The following CEP41 variants were observed in gnomAD, a reference collection of about 807,000 sequenced individuals.
CEP41 encodes the protein centrosomal protein 41.
CEP41 carries 32 observed loss-of-function variants against 44.3 expected under a neutral mutation model. The ratio of observed to expected loss-of-function variants is 0.72; its 90% CI spans 0.54 to 0.97. The LOEUF (loss-of-function observed/expected upper bound fraction) is 0.97, where lower values mean the gene tolerates loss of function less well. CEP41 is among the 50% of genes least tolerant of loss of function. The probability of loss-of-function intolerance (pLI) is 0.00; values close to 1 mark genes in which losing one functional copy is unlikely to be tolerated. For synonymous variants in CEP41, 151 were observed against 168.5 expected (o/e 0.90, Z 0.80); for missense variants, 432 against 455.2 (o/e 0.95, Z 0.46).
chr7:130,410,961 A>G, intron 5 of CEP41, 161 bp downstream of exon 5: 1 of 728,878 alleles, frequency 1.4e-6, no homozygotes, highest in Non-Finnish European at 2.5e-6. Flanking sequence ...AAGAATTAAC[A>G]ACTAAAGTAT....
chr7:130,410,786 A>G (rs980783916), intron 5 of CEP41: 1 of 370,122 alleles, frequency 2.7e-6, no homozygotes. Flanking sequence ...ATTTCATGTA[A>G]GCAGAGCTGT....
intron 1 of CEP41, among the ~76,000 whole-genome samples, chr7:130,438,385 C>T (rs563313589): frequency 1.2e-3 from 185 of 152,074 alleles, no homozygotes; most frequent in South Asian, 3.7e-3. Flanking sequence ...ATGGTAAAAC[C>T]GCATCTTTAC....
At chr7:130,432,651 T>A (rs966539297) in intron 1 of CEP41, among the ~76,000 whole-genome samples, 1 of 150,006 alleles carries the variant, frequency 6.7e-6, no homozygotes, top group Non-Finnish European at 1.5e-5. Flanking sequence ...TGGTCCCAGC[T>A]GCTCGAGAGG....
At chr7:130,429,354 C>T (rs1584903020) in intron 1 of CEP41, among the ~76,000 whole-genome samples, 1 of 152,198 alleles carries the variant, frequency 6.6e-6, no homozygotes, top group Non-Finnish European at 1.5e-5. Flanking sequence ...CTTTGTGCTG[C>T]TGTCTGGTAG....
rs1796953258 is a variant in CEP41, at chr7:130,404,646, T to C, written c.340A>G (p.Asn114Asp). ...GGGCTCGGCGACTGCTCACCTGGAT[T>C]TCCTTTCCCATTGGTCCTGGCAGTG... ...ETTARTNGKG[N>D]PGEQSPSPEQ... The change falls in exon 6 of 11, where the codon AAT becomes GAT. Residue 114 changes from asparagine (N) to aspartate (D), a missense_variant. Coordinates refer to ENST00000223208, the MANE Select transcript of CEP41 (RefSeq NM_018718.3). 1 of 1,613,436 alleles carries C rather than the reference T, an allele frequency of 6.2e-7. No individual in the cohort carries two copies. The highest frequency in any genetic ancestry group is 1.3e-5 in the African/African-American group (1 of 75,024).
chr7:130,425,888 C>G (rs1797646709), intron 2 of CEP41, among the ~76,000 whole-genome samples: 1 of 152,074 alleles, frequency 6.6e-6, no homozygotes, highest in Non-Finnish European at 1.5e-5. Flanking sequence ...GTGAAAAAGC[C>G]AATCCAAAAG....
Position 130,399,041 on chromosome 7 carries a change from T to C in CEP41, c.974-2A>G, listed in dbSNP as rs1554416182. ...AGGAGTTAGCTTGGTTCAGTCGGCC[T>C]GAAGGGAGCAAGAAAGAAGGAACAG... On this transcript the variant is annotated splice_acceptor_variant, in intron 10 of 10. Coordinates refer to ENST00000223208, the MANE Select transcript of CEP41 (RefSeq NM_018718.3). LOFTEE classifies it high-confidence loss of function. 3 of 1,613,892 alleles carry C rather than the reference T, an allele frequency of 1.9e-6. No homozygotes were observed.
upstream of CEP41, among the ~76,000 whole-genome samples, chr7:130,441,646 C>T: frequency 6.6e-6 from 1 of 152,296 alleles, no homozygotes; most frequent in Admixed American, 6.5e-5. Flanking sequence ...TTAACAAATA[C>T]TTAATAAGCA....
chr7:130,398,109 G>A lies in CEP41; in HGVS notation c.*782C>T. On this transcript the variant is annotated 3_prime_UTR_variant, in exon 11 of 11. Transcript: ENST00000223208. ...CATAACTGATATACTGACCACAAGT[G>A]AGGGCCGCTTTGGTGGGCTTCAAGG... is the stretch of plus-strand genomic sequence containing the variant. 1 of 454,100 alleles carries A rather than the reference G, an allele frequency of 2.2e-6. No homozygotes were observed. The highest frequency in any genetic ancestry group is 1.6e-5 in the South Asian group (1 of 64,474). The allele number at this position is 454,100 out of a possible 1,614,324, so 28.1% of individuals were successfully genotyped here. A position where few individuals can be genotyped will look rare whatever the true frequency, so the allele number is the denominator to read the frequency against.
Position 130,394,102 on chromosome 7 carries a change from AG to A in CEP41, c.*4788del, listed in dbSNP as rs1554413496. On this transcript the variant is annotated 3_prime_UTR_variant, in exon 11 of 11. Transcript: ENST00000223208. ...AGGAGGGAAGGGAAGCCAATAGCGA[AG>A]GGAAAGGTACATTTTCACGGTAAGT... 1 of 454,110 alleles carries A rather than the reference AG, an allele frequency of 2.2e-6. No individual in the cohort carries two copies. The highest frequency in any genetic ancestry group is 4.4e-6 in the Non-Finnish European group (1 of 226,800). The allele number at this position is 454,110 out of a possible 1,614,324, so 28.1% of individuals were successfully genotyped here.
chr7:130,407,725 T>C (rs188582250), intron 5 of CEP41, among the ~76,000 whole-genome samples: 3 of 152,114 alleles, frequency 2.0e-5, no homozygotes, highest in Admixed American at 2.0e-4. Context: ...AACAAGCCAA[T>C]AGATTATTAC....
intron 2 of CEP41, chr7:130,426,657 G>A (rs1465071544): frequency 4.4e-6 from 2 of 455,990 alleles, no homozygotes; most frequent in Non-Finnish European, 8.8e-6. Flanking sequence ...TCAGAAGGGT[G>A]GATCACAGTT....
intron 4 of CEP41, among the ~76,000 whole-genome samples, chr7:130,411,520 A>C (rs1205570060): frequency 5.3e-5 from 8 of 152,266 alleles, no homozygotes; most frequent in Non-Finnish European, 1.2e-4. Context: ...TATTTCTTGA[A>C]AATGCAATAC....
intron 1 of CEP41, among the ~76,000 whole-genome samples, chr7:130,434,986 G>C (rs1389520318): frequency 2.6e-5 from 4 of 151,940 alleles, no homozygotes; most frequent in Admixed American, 6.6e-5. Flanking sequence ...CAAATACTTA[G>C]GTAAGAGTTA....
rs1796725707 is a variant in CEP41, at chr7:130,398,135, G to A, written c.*756C>T. Reference sequence around the variant, plus strand: ...AGGGCCGCTTTGGTGGGCTTCAAGGGGCACAGGCCGGTGTGGTGGCCAGGG... The same window carrying A: ...AGGGCCGCTTTGGTGGGCTTCAAGGAGCACAGGCCGGTGTGGTGGCCAGGG... On this transcript the variant is annotated 3_prime_UTR_variant, in exon 11 of 11. Transcript: ENST00000223208. The A allele has an allele frequency of 2.2e-6, 1 of 453,838 alleles. No individual in the cohort carries two copies. Among genetic ancestry groups the A allele is most frequent in the South Asian group, 1.6e-5 (1 of 64,462 alleles). 28.1% of individuals were successfully genotyped at this position (453,838 alleles called of 1,614,324 possible). A position where few individuals can be genotyped will look rare whatever the true frequency, so the allele number is the denominator to read the frequency against.
chr7:130,418,526 A>G (rs890373639), intron 2 of CEP41, among the ~76,000 whole-genome samples: 3 of 152,162 alleles, frequency 2.0e-5, no homozygotes, highest in Non-Finnish European at 4.4e-5. Flanking sequence ...GCTTTAGGTT[A>G]TATGTCCCTG....
chr7:130,438,878 A>T (rs190338679), intron 1 of CEP41, among the ~76,000 whole-genome samples: 91 of 151,988 alleles, frequency 6.0e-4, no homozygotes, highest in African/African-American at 2.1e-3. Context: ...TTTGGTATAT[A>T]CACACACACA....
In CEP41 at chr7:130,398,814, A is replaced by G. The variant is rs566419457; in HGVS notation, c.*77T>C. ...GTCTTTCCTCTGCAGAAGTTTCTGG[A>G]AATGACCCAACTTGGGAAATGCTCA... On this transcript the variant is annotated 3_prime_UTR_variant, in exon 11 of 11. Coordinates refer to ENST00000223208, the MANE Select transcript of CEP41 (RefSeq NM_018718.3). The G allele has an allele frequency of 1.3e-6, 2 of 1,556,078 alleles. No individual in the cohort carries two copies. Among genetic ancestry groups the G allele is most frequent in the South Asian group, 2.2e-5 (2 of 89,666 alleles).
rs1428696410 is a variant in CEP41, at chr7:130,394,713, A to C, written c.*4178T>G. ...CAGACTAGCACTGAGTGGCCACCAC[A>C]GTGGGCATCACATCCAAACTTCAAT... On this transcript the variant is annotated 3_prime_UTR_variant, in exon 11 of 11. Coordinates refer to ENST00000223208, the MANE Select transcript of CEP41 (RefSeq NM_018718.3). The C allele has an allele frequency of 6.6e-5, 30 of 454,024 alleles. No individual in the cohort carries two copies. Among genetic ancestry groups the C allele is most frequent in the Non-Finnish European group, 1.3e-4 (29 of 226,800 alleles). 28.1% of individuals were successfully genotyped at this position (454,024 alleles called of 1,614,324 possible). A position where few individuals can be genotyped will look rare whatever the true frequency, so the allele number is the denominator to read the frequency against.
Sources: allele counts gnomAD v4.1 joint callset (sites outside exome capture counted in the v4.1 genomes callset), GRCh38; gene constraint gnomAD v4.1.1; transcripts MANE v1.5; gene names NCBI Gene and HGNC (gene_info 2026-07-23, HGNC 2026-07-21).